The following AFDN variants were observed in gnomAD, a reference collection of about 807,000 sequenced individuals.
AFDN encodes afadin.
AFDN carries 68 observed loss-of-function variants against 216.6 expected under a neutral mutation model. The observed-to-expected ratio is 0.31, with a 90% CI of 0.26 to 0.38. AFDN has a LOEUF of 0.38. AFDN is among the 10% of genes least tolerant of loss of function. The pLI is 1.00. For missense variants in AFDN, 2,136 were observed against 2,342.0 expected (o/e 0.91, Z 1.82); for synonymous variants, 868 against 853.7 (o/e 1.02, Z -0.29).
intron 23 of AFDN, among the ~76,000 whole-genome samples, chr6:167,934,704 C>CT (rs968387068): frequency 5.4e-4 from 81 of 148,850 alleles, no homozygotes; most frequent in Middle Eastern, 3.5e-3. Flanking sequence ...TCCTCCTGCT[C>CT]TTTTTTTTTT....
intron 20 of AFDN, 135 bp downstream of exon 20, chr6:167,917,367 G>A: frequency 1.0e-6 from 1 of 992,520 alleles, no homozygotes; most frequent in South Asian, 2.4e-5. Flanking sequence ...TTTTCGTGTT[G>A]CTGTCCAAGA....
intron 1 of AFDN, among the ~76,000 whole-genome samples, chr6:167,850,998 G>A (rs1009900039): frequency 3.3e-5 from 5 of 152,036 alleles, no homozygotes; most frequent in Non-Finnish European, 7.4e-5. Flanking sequence ...GCATTCAGGC[G>A]ATTCTCCTGC....
chr6:167,851,444 A>T (rs1022566613), intron 1 of AFDN, among the ~76,000 whole-genome samples: 1 of 152,148 alleles, frequency 6.6e-6, no homozygotes, highest in African/African-American at 2.4e-5. Context: ...TCCACCCTCC[A>T]GTGGGTCCCA....
Position 167,870,495 on chromosome 6 carries a change from T to C in AFDN, c.411T>C (p.Pro137=). The C allele has an allele frequency of 6.3e-7, 1 of 1,595,740 alleles. No homozygotes were observed. Among genetic ancestry groups the C allele is most frequent in the East Asian group, 2.2e-5 (1 of 44,596 alleles). The change falls in exon 3 of 34, where the codon CCT becomes CCC. Residue 137 remains proline, a synonymous_variant. Transcript: ENST00000683244. ...AGAATGAGAATGACGCCATTCCTCC[T>C]AAGGTAGGAACCCTCAGTATTTTAT... The part of the protein sequence containing the change: ...VLKNENDAIP[P]KKAQSNGPEK...
At chr6:167,943,215 A>G (rs753528879) in intron 24 of AFDN, 21 bp downstream of exon 24, 2 of 1,603,754 alleles carry the variant, frequency 1.2e-6, no homozygotes, top group Admixed American at 1.7e-5. Context: ...TTTTGAAAGA[A>G]GTACATTTTC....
chr6:167,830,933 C>CCTT (rs1779758405), intron 1 of AFDN, among the ~76,000 whole-genome samples: 1 of 79,320 alleles, frequency 1.3e-5, no homozygotes, highest in Admixed American at 2.0e-4. Context: ...ATATTTGAAA[C>CCTT]TTTTTTTTTT....
chr6:167,959,742 G>T (rs944753369), intron 30 of AFDN, among the ~76,000 whole-genome samples: 2 of 152,172 alleles, frequency 1.3e-5, no homozygotes, highest in African/African-American at 2.4e-5. Context: ...GAAAATACCT[G>T]TTTTGGGGAA....
At chr6:167,835,829 T>C (rs1473322966) in intron 1 of AFDN, among the ~76,000 whole-genome samples, 3 of 152,216 alleles carry the variant, frequency 2.0e-5, no homozygotes, top group Non-Finnish European at 2.9e-5. Flanking sequence ...TGGGGGTTCA[T>C]GGACTGCAGT....
At chr6:167,841,859 A>C (rs201184345) in intron 1 of AFDN, among the ~76,000 whole-genome samples, 1 of 151,714 alleles carries the variant, frequency 6.6e-6, no homozygotes, top group African/African-American at 2.4e-5. Flanking sequence ...TTGAGATCCC[A>C]TTCCTCTGGG....
intron 23 of AFDN, among the ~76,000 whole-genome samples, chr6:167,936,746 C>T (rs188773905): frequency 6.6e-6 from 1 of 152,130 alleles, no homozygotes; most frequent in African/African-American, 2.4e-5. Flanking sequence ...GCTCTTCCCC[C>T]AGTCAGGGTG....
At chr6:167,846,425 T>G (rs2128153091) in intron 1 of AFDN, among the ~76,000 whole-genome samples, 1 of 152,124 alleles carries the variant, frequency 6.6e-6, no homozygotes, top group African/African-American at 2.4e-5. Context: ...TATAGGGGTG[T>G]TTTTTTCTGT....
chr6:167,837,988 A>G (rs183394075), intron 1 of AFDN, among the ~76,000 whole-genome samples: 131 of 152,366 alleles, frequency 8.6e-4, no homozygotes, highest in Non-Finnish European at 1.2e-3. Context: ...TTTATTTCAT[A>G]CATAAATACA....
intron 30 of AFDN, among the ~76,000 whole-genome samples, chr6:167,958,012 A>C (rs1157879209): frequency 6.6e-6 from 1 of 152,206 alleles, no homozygotes; most frequent in African/African-American, 2.4e-5. Flanking sequence ...TTGCCAGTAC[A>C]TGTTGAACAT....
At chr6:167,956,477 C>A (rs1464029535) in intron 30 of AFDN, among the ~76,000 whole-genome samples, 1 of 152,190 alleles carries the variant, frequency 6.6e-6, no homozygotes, top group Non-Finnish European at 1.5e-5. Context: ...TCTGTGCTCA[C>A]TTCCGACCTG....
At chr6:167,926,425 A>G (rs1381159694) in intron 23 of AFDN, among the ~76,000 whole-genome samples, 1 of 152,240 alleles carries the variant, frequency 6.6e-6, no homozygotes, top group Non-Finnish European at 1.5e-5. Flanking sequence ...CTACTGTCCC[A>G]TCATGCTGTG....
intron 26 of AFDN, 35 bp downstream of exon 26, chr6:167,944,094 G>GTC (rs1258421060): frequency 6.6e-7 from 1 of 1,516,764 alleles, no homozygotes; most frequent in East Asian, 2.3e-5. Context: ...GTGTTTTACA[G>GTC]TCATGGCCTC....
At chr6:167,948,069 C>T in intron 28 of AFDN, 125 bp downstream of exon 28, 2 of 827,530 alleles carry the variant, frequency 2.4e-6, no homozygotes, top group Non-Finnish European at 3.7e-6. Context: ...TCTAAATTTG[C>T]AGTGTTTTAT....
At chr6:167,899,573 G>A (rs968976672) in intron 11 of AFDN, among the ~76,000 whole-genome samples, 7 of 152,052 alleles carry the variant, frequency 4.6e-5, no homozygotes, top group Non-Finnish European at 8.8e-5. Flanking sequence ...CTTCAGTAGC[G>A]AGTCATGATT....
chr6:167,924,262 T>C (rs1792206837), intron 22 of AFDN, among the ~76,000 whole-genome samples: 1 of 152,234 alleles, frequency 6.6e-6, no homozygotes, highest in Admixed American at 6.5e-5. Flanking sequence ...AGTTCCTCCT[T>C]AGTGTGTATG....
Sources: allele counts gnomAD v4.1 joint callset (sites outside exome capture counted in the v4.1 genomes callset), GRCh38; gene constraint gnomAD v4.1.1; transcripts MANE v1.5; gene names NCBI Gene and HGNC (gene_info 2026-07-23, HGNC 2026-07-21).